LRIG1: variants seen among roughly 807,000 people sequenced by gnomAD.
The protein encoded by LRIG1 is leucine rich repeats and immunoglobulin like domains 1, also known as leucine-rich repeats and immunoglobulin-like domains protein 1.
In LRIG1, 48 loss-of-function variants were observed where a neutral mutation model predicts 99.2. The ratio of observed to expected loss-of-function variants is 0.48; its 90% CI spans 0.38 to 0.62. The LOEUF is 0.62. Ranked by LOEUF, LRIG1 falls within the 20% of genes least tolerant of loss-of-function variation. The probability of loss-of-function intolerance (pLI) is 0.00; values close to 1 mark genes in which losing one functional copy is unlikely to be tolerated. For synonymous variants in LRIG1, 772 were observed against 596.1 expected, an observed-to-expected ratio of 1.29 and a Z score of -4.30; for missense variants, 1,646 against 1,434.4, an observed-to-expected ratio of 1.15 and a Z score of -2.38.
At chr3:66,397,299 G>A (rs1701887554) in intron 11 of LRIG1, among the ~76,000 whole-genome samples, 2 of 152,146 alleles carry the variant, frequency 1.3e-5, no homozygotes, top group Non-Finnish European at 1.5e-5. Context: ...GAGTGGCCTC[G>A]GGGAATGGGG....
intron 3 of LRIG1, among the ~76,000 whole-genome samples, chr3:66,422,948 C>T (rs1207324095): frequency 6.6e-6 from 1 of 152,186 alleles, no homozygotes; most frequent in Non-Finnish European, 1.5e-5. Context: ...AGGGAAACTC[C>T]AGTTTTTAAA....
chr3:66,418,924 A>G (rs1283811675), intron 3 of LRIG1, among the ~76,000 whole-genome samples: 1 of 152,028 alleles, frequency 6.6e-6, no homozygotes, highest in Non-Finnish European at 1.5e-5. Context: ...TCTCCTCCCC[A>G]GCCCCCAAAG....
At chr3:66,434,982 C>G (rs1174110281) in intron 3 of LRIG1, among the ~76,000 whole-genome samples, 1 of 152,072 alleles carries the variant, frequency 6.6e-6, no homozygotes, top group African/African-American at 2.4e-5. Flanking sequence ...AAAAGAAACC[C>G]AAACACAAAT....
At chr3:66,401,362 C>CG (rs1702047903) in intron 9 of LRIG1, among the ~76,000 whole-genome samples, 1 of 152,190 alleles carries the variant, frequency 6.6e-6, no homozygotes, top group Non-Finnish European at 1.5e-5. Flanking sequence ...CAGATCCCCC[C>CG]GCCCAGGCAC....
chr3:66,414,161 G>T (rs1264925202), intron 5 of LRIG1, among the ~76,000 whole-genome samples: 3 of 152,084 alleles, frequency 2.0e-5, no homozygotes, highest in Non-Finnish European at 4.4e-5. Context: ...ACTTTGGGAG[G>T]CCAAGGCAGG....
chr3:66,445,313 G>A (rs1054373973), intron 3 of LRIG1, among the ~76,000 whole-genome samples: 7 of 151,622 alleles, frequency 4.6e-5, no homozygotes, highest in African/African-American at 1.5e-4. Flanking sequence ...TTACCCAAAC[G>A]GACTGGCCAT....
At chr3:66,450,923 T>C (rs6800959) in intron 3 of LRIG1, among the ~76,000 whole-genome samples, 6,931 of 152,228 alleles carry the variant, frequency 0.046, 506 homozygotes, top group African/African-American at 0.16. Context: ...GCTGAAGAAA[T>C]AGGGGTAGGA....
chr3:66,385,869 C>A lies in LRIG1; in HGVS notation c.1789+112G>T. 2.9e-6 allele frequency: 3 copies of A among 1,018,596 alleles called. No individual in the cohort carries two copies. In the South Asian group the frequency reaches 4.6e-5, roughly 16 times the overall value. 63.1% of individuals were successfully genotyped at this position (1,018,596 alleles called of 1,614,324 possible). On this transcript the variant is annotated intron_variant, in intron 13 of 18. Coordinates refer to ENST00000273261, the MANE Select transcript of LRIG1 (RefSeq NM_015541.3). ...AACAATAGGATTTAACAGTGCCCCACAGAAGCATGTGTGTGTCCTGTCTCA... is the reference window on the plus strand; with the variant it reads ...AACAATAGGATTTAACAGTGCCCCAAAGAAGCATGTGTGTGTCCTGTCTCA...
At chr3:66,426,245 C>T (rs943775111) in intron 3 of LRIG1, among the ~76,000 whole-genome samples, 2 of 152,130 alleles carry the variant, frequency 1.3e-5, no homozygotes, top group Admixed American at 6.5e-5. Flanking sequence ...CTGTCATGAC[C>T]ACTCAGTTCT....
chr3:66,414,782 C>T (rs553721442), intron 5 of LRIG1, 138 bp downstream of exon 5: 3 of 880,874 alleles, frequency 3.4e-6, no homozygotes, highest in African/African-American at 3.4e-5. Flanking sequence ...TTATGAGGTG[C>T]TGCCATTAAT....
At chr3:66,495,841 T>A (rs1455425559) in intron 1 of LRIG1, among the ~76,000 whole-genome samples, 1 of 152,182 alleles carries the variant, frequency 6.6e-6, no homozygotes, top group Non-Finnish European at 1.5e-5. Context: ...GGCTGAAGAC[T>A]TTGCACCAAG....
rs140016295 is a variant in LRIG1 at position 66,478,378 on chromosome 3, G to A, written c.219-15869C>T. 5.6e-3 allele frequency among the ~76,000 whole-genome samples: 857 copies of A among 152,250 alleles called. 4 individuals carry two copies. Among genetic ancestry groups the A allele is most frequent in the African/African-American group, 0.019 (805 of 41,544 alleles). On this transcript the variant is annotated intron_variant, in intron 1 of 18. Coordinates refer to ENST00000273261, the MANE Select transcript of LRIG1 (RefSeq NM_015541.3). ...AGGTGTGCGCAGGCAGGAGTTTCAGGGACATGAGAAAGCAGTGTCCTGGAT... is the reference window on the plus strand; with the variant it reads ...AGGTGTGCGCAGGCAGGAGTTTCAGAGACATGAGAAAGCAGTGTCCTGGAT...
At chr3:66,483,795 G>A (rs1700904903) in intron 1 of LRIG1, among the ~76,000 whole-genome samples, 1 of 151,600 alleles carries the variant, frequency 6.6e-6, no homozygotes, top group Admixed American at 6.5e-5. Context: ...CAGCTGGGAA[G>A]GGCACCGCGG....
At chr3:66,405,918 C>T (rs1702252587) in intron 8 of LRIG1, 1 of 1,008,068 alleles carries the variant, frequency 9.9e-7, no homozygotes. Flanking sequence ...ATGCAAATCC[C>T]ATGGCCGATG....
At chr3:66,399,659 T>C (rs1701985258) in intron 9 of LRIG1, among the ~76,000 whole-genome samples, 1 of 152,112 alleles carries the variant, frequency 6.6e-6, no homozygotes, top group South Asian at 2.1e-4. Context: ...TCGTAGCTAC[T>C]TAGAAGGCTG....
At chr3:66,405,718 C>T in intron 8 of LRIG1, 1 of 1,104,514 alleles carries the variant, frequency 9.1e-7, no homozygotes. Context: ...AAGAAAGAGA[C>T]CCGGCACAGG....
chr3:66,478,242 C>G (rs923050484), intron 1 of LRIG1, among the ~76,000 whole-genome samples: 4 of 152,202 alleles, frequency 2.6e-5, no homozygotes, highest in African/African-American at 9.7e-5. Context: ...CAACTAATTT[C>G]AGTGCATGTA....
At chr3:66,458,982 C>T (rs1700294670) in intron 2 of LRIG1, among the ~76,000 whole-genome samples, 3 of 149,874 alleles carry the variant, frequency 2.0e-5, no homozygotes, top group Admixed American at 2.0e-4. Flanking sequence ...GCACTGCACT[C>T]CAGCCTGGGA....
chr3:66,462,227 A>G (rs1700370797), intron 2 of LRIG1, among the ~76,000 whole-genome samples: 1 of 152,174 alleles, frequency 6.6e-6, no homozygotes, highest in South Asian at 2.1e-4. Context: ...CAGGAGCTCT[A>G]TGCCTACTGA....
Sources: allele counts gnomAD v4.1 joint callset (sites outside exome capture counted in the v4.1 genomes callset), GRCh38; gene constraint gnomAD v4.1.1; transcripts MANE v1.5; gene names NCBI Gene and HGNC (gene_info 2026-07-23, HGNC 2026-07-21).